Variants in CAPN3 observed in about 807,000 individuals in gnomAD.
CAPN3 encodes the protein calpain-3.
Under a neutral mutation model 114.0 loss-of-function variants are expected in CAPN3, and 88 were observed. The ratio of observed to expected loss-of-function variants is 0.77; its 90% CI spans 0.65 to 0.92. The LOEUF is 0.92. Ranked by LOEUF, CAPN3 falls within the 40% of genes least tolerant of loss-of-function variation. The pLI is 0.00. For missense variants in CAPN3, 1,028 were observed against 1,069.0 expected (o/e 0.96, Z 0.53); for synonymous variants, 386 against 382.9 (o/e 1.01, Z -0.09).
intron 8 of CAPN3, among the ~76,000 whole-genome samples, chr15:42,396,558 C>A (rs2053698193): frequency 6.6e-6 from 1 of 152,060 alleles, no homozygotes; most frequent in African/African-American, 2.4e-5. Context: ...AATTCTTAAC[C>A]TTTAAAGTAT....
chr15:42,388,875 T>A, intron 4 of CAPN3, 53 bp from the exon 5 acceptor site: 1 of 1,552,632 alleles, frequency 6.4e-7, no homozygotes, highest in Non-Finnish European at 8.9e-7. Context: ...GGTACCTGGG[T>A]TTTGTTCCCT....
intron 1 of CAPN3, among the ~76,000 whole-genome samples, chr15:42,371,933 T>C (rs552419162): frequency 4.0e-4 from 61 of 151,294 alleles, no homozygotes; most frequent in South Asian, 4.0e-3. Context: ...TACTGCACTC[T>C]AGCCTGGGTG....
At chr15:42,396,519 T>A (rs998877360) in intron 8 of CAPN3, among the ~76,000 whole-genome samples, 2 of 152,060 alleles carry the variant, frequency 1.3e-5, no homozygotes, top group Admixed American at 6.6e-5. Context: ...GGATTACAGG[T>A]GTGAGCCATT....
intron 16 of CAPN3, chr15:42,408,827 CG>C (rs1237496879): frequency 3.6e-6 from 1 of 279,558 alleles, no homozygotes; most frequent in South Asian, 3.9e-5. Flanking sequence ...CTCTTCTATC[CG>C]GGGGCCCCTC....
rs776441239 is a variant in CAPN3 at position 42,380,368 on chromosome 15, C to CTTTT, written c.310-4089_310-4086dup. On this transcript the variant is annotated intron_variant, in intron 1 of 23. Transcript: ENST00000397163. ...TATCCTTTTACCTCTTCTTTTTTGT[C>CTTTT]TTTTTTTTTTTTTTTTTTTTTTTTT... Among the ~76,000 whole-genome samples the CTTTT allele has an allele frequency of 1.5e-3, 70 of 46,104 alleles. 10 individuals are homozygous for CTTTT. The highest frequency in any genetic ancestry group is 7.6e-3 in the African/African-American group (67 of 8,816). The allele number at this position is 46,104 out of a possible 152,430, so 30.2% of individuals were successfully genotyped here. A position where few individuals can be genotyped will look rare whatever the true frequency, so the allele number is the denominator to read the frequency against.
chr15:42,387,763 A>G lies in CAPN3; in HGVS notation c.509A>G (p.Tyr170Cys), dbSNP rs1555420468. The stretch of plus-strand genomic sequence containing the variant: ...GACGCTTCTGTGCAGTTCTGGCGCT[A>G]TGGAGAGTGGGTGGACGTGGTTATA... Reference protein sequence around the residue: ...AGIFHFQFWRYGEWVDVVIDD... With the variant: ...AGIFHFQFWRCGEWVDVVIDD... Residue 170 changes from tyrosine (Y) to cysteine (C), a missense_variant, in exon 4 of 24, where the codon TAT becomes TGT. Tyr to Cys is a radical substitution (Grantham distance 194, BLOSUM62 -2). Transcript: ENST00000397163. The G allele has an allele frequency of 1.9e-6, 3 of 1,614,204 alleles. No individual in the cohort carries two copies. The highest frequency in any genetic ancestry group is 2.2e-5 in the East Asian group (1 of 44,892).
chr15:42,410,346 C>T (rs1428759245), intron 19 of CAPN3, 82 bp from the exon 20 acceptor site: 4 of 1,251,256 alleles, frequency 3.2e-6, no homozygotes, highest in Non-Finnish European at 4.7e-6. Context: ...GTGGGTAGGA[C>T]AGCCCGGAGT....
At chr15:42,411,231 G>C in intron 22 of CAPN3, 56 bp from the exon 23 acceptor site, 1 of 1,434,870 alleles carries the variant, frequency 7.0e-7, no homozygotes, top group Non-Finnish European at 9.8e-7. Flanking sequence ...GGAAGTTACA[G>C]TAGTAGAGGC....
intron 1 of CAPN3, among the ~76,000 whole-genome samples, chr15:42,366,260 A>G (rs1274686370): frequency 1.3e-5 from 2 of 152,058 alleles, no homozygotes; most frequent in African/African-American, 2.4e-5. Flanking sequence ...GCCATCCCCA[A>G]CCTATTCCTT....
intron 9 of CAPN3, among the ~76,000 whole-genome samples, chr15:42,398,780 C>CTTTTTTTTT: frequency 9.9e-6 from 1 of 101,336 alleles, no homozygotes. Context: ...AGCATTAGAG[C>CTTTTTTTTT]TTTTTTTTTT....
At chr15:42,410,713 G>A in intron 21 of CAPN3, 47 bp downstream of exon 21, 1 of 1,523,686 alleles carries the variant, frequency 6.6e-7, no homozygotes, top group South Asian at 1.1e-5. Context: ...GAGACGGTGG[G>A]AGCAGGAATG....
chr15:42,387,955 C>A, intron 4 of CAPN3, 69 bp downstream of exon 4: 2 of 1,591,220 alleles, frequency 1.3e-6, no homozygotes, highest in Non-Finnish European at 1.7e-6. Flanking sequence ...CCAGCCGAGA[C>A]CTCACTCACA....
intron 14 of CAPN3, chr15:42,404,924 A>C: frequency 1.0e-6 from 1 of 1,002,552 alleles, no homozygotes; most frequent in Non-Finnish European, 1.2e-6. Context: ...AGGACCTGCA[A>C]ACCCAAAAGC....
intron 1 of CAPN3, among the ~76,000 whole-genome samples, chr15:42,383,205 G>A (rs1277200003): frequency 1.3e-5 from 2 of 152,182 alleles, no homozygotes; most frequent in African/African-American, 4.8e-5. Context: ...TTGTTGTGAT[G>A]GGGGTTGGGG....
In CAPN3 at chr15:42,410,951, C is replaced by T. The variant is rs745856298; in HGVS notation, c.2331C>T (p.Ile777=). The T allele has an allele frequency of 3.1e-6, 5 of 1,614,072 alleles. No homozygotes were observed. Among genetic ancestry groups the T allele is most frequent in the African/African-American group, 2.7e-5 (2 of 74,934 alleles). The part of the protein sequence containing the change: ...TMRYADKHMN[I]DFDSFICCFV... ...GGTACGCAGACAAACACATGAACAT[C>T]GACTTTGACAGTTTCATCTGCTGCT... Residue 777 remains isoleucine (I), a synonymous_variant, in exon 22 of 24, where the codon ATC becomes ATT. Coordinates refer to ENST00000397163, the MANE Select transcript of CAPN3 (RefSeq NM_000070.3).
At chr15:42,374,815 T>C (rs2053044194) in intron 1 of CAPN3, among the ~76,000 whole-genome samples, 1 of 141,426 alleles carries the variant, frequency 7.1e-6, no homozygotes, top group African/African-American at 2.6e-5. Context: ...TTTTTTTTTT[T>C]TTTGAGAGAG....
intron 16 of CAPN3, chr15:42,408,829 GGGGCCCCTCTTCTATCCA>G (rs1294289298): frequency 5.4e-5 from 15 of 280,360 alleles, no homozygotes; most frequent in Admixed American, 1.0e-4. Flanking sequence ...CTTCTATCCG[GGGGCCCCTCTTCTATCCA>G]GGGCCCCTCT....
rs1031177515 is a variant in CAPN3, at chr15:42,403,087, C to T, written c.1745+85C>T. 24 of 1,106,894 alleles carry T rather than the reference C, an allele frequency of 2.2e-5. 2 individuals carry two copies. Among genetic ancestry groups the T allele is most frequent in the South Asian group, 1.8e-4 (14 of 79,518 alleles). 68.6% of individuals were successfully genotyped at this position (1,106,894 alleles called of 1,614,324 possible). A position where few individuals can be genotyped will look rare whatever the true frequency, so the allele number is the denominator to read the frequency against. ...GTTGAAGGCATGAGGCAGCTAGACA[C>T]GTCTCCTCCAGGGTCCTTCTGCTGC... On this transcript the variant is annotated intron_variant, in intron 13 of 23. Coordinates refer to ENST00000397163, the MANE Select transcript of CAPN3 (RefSeq NM_000070.3).
intron 13 of CAPN3, 74 bp downstream of exon 13, chr15:42,403,076 G>A: frequency 7.9e-7 from 1 of 1,261,834 alleles, no homozygotes; most frequent in Non-Finnish European, 1.2e-6. Context: ...AAGGCATGAG[G>A]CAGCTAGACA....
Sources: gnomAD v4.1 joint callset for allele counts (sites outside exome capture counted in the v4.1 genomes callset) on GRCh38, gnomAD v4.1.1 for gene constraint, MANE v1.5 for transcripts, NCBI Gene and HGNC (gene_info 2026-07-23, HGNC 2026-07-21) for gene names.